FAM227B: variants seen among roughly 807,000 people sequenced by gnomAD.
The protein encoded by FAM227B is family with sequence similarity 227 member B.
FAM227B carries 88 observed loss-of-function variants against 73.8 expected under a neutral mutation model. That is an observed-to-expected ratio of 1.19 (90% CI 1.00 to 1.42). The LOEUF (loss-of-function observed/expected upper bound fraction) is 1.42. Among genes scored for constraint, FAM227B ranks in the 40% most tolerant of loss-of-function variants. The probability of loss-of-function intolerance (pLI) is 0.00; values close to 1 mark genes in which losing one functional copy is unlikely to be tolerated. For synonymous variants in FAM227B, 210 were observed against 190.5 expected (o/e 1.10, Z -0.84); for missense variants, 632 against 590.9 (o/e 1.07, Z -0.72).
intron 4 of FAM227B, among the ~76,000 whole-genome samples, chr15:49,588,677 T>G (rs2076340275): frequency 2.7e-5 from 4 of 148,176 alleles, no homozygotes; most frequent in Admixed American, 2.0e-4. Context: ...GGGTATTTTA[T>G]TTCATTACAA....
At chr15:49,606,367 T>A (rs1271639925) in intron 3 of FAM227B, 2 of 152,210 alleles carry the variant, frequency 1.3e-5, no homozygotes, top group Admixed American at 1.3e-4. Context: ...TCTTTCCGTA[T>A]TATAATTGCC....
chr15:49,434,910 TA>T (rs1368645769), intron 11 of FAM227B, among the ~76,000 whole-genome samples: 1 of 151,562 alleles, frequency 6.6e-6, no homozygotes, highest in African/African-American at 2.4e-5. Flanking sequence ...GTTTTTCCTT[TA>T]AAGGGAAATT....
intron 10 of FAM227B, 152 bp downstream of exon 10, chr15:49,541,528 A>G: frequency 1.7e-6 from 1 of 605,282 alleles, no homozygotes; most frequent in Non-Finnish European, 2.5e-6. Flanking sequence ...AGAAGAAAAT[A>G]AATAACATTT....
intron 11 of FAM227B, among the ~76,000 whole-genome samples, chr15:49,463,519 C>G (rs987010116): frequency 2.7e-5 from 4 of 149,648 alleles, no homozygotes; most frequent in Non-Finnish European, 5.9e-5. Flanking sequence ...CCACTGCACT[C>G]CAGCCTAGGC....
chr15:49,620,669 T>C (rs764127788), intron 1 of FAM227B, 31 bp downstream of exon 1: 9 of 152,242 alleles, frequency 5.9e-5, no homozygotes, highest in Non-Finnish European at 1.2e-4. Context: ...TGCAAACTTT[T>C]CTCTGGGATC....
intron 3 of FAM227B, 74 bp downstream of exon 3, chr15:49,611,141 C>T (rs1052621472): frequency 1.7e-4 from 155 of 893,730 alleles, no homozygotes; most frequent in Non-Finnish European, 2.7e-4. Flanking sequence ...AAAGTTTATT[C>T]TAAGCCTTCT....
At chr15:49,605,319 T>C (rs894117317) in intron 3 of FAM227B, among the ~76,000 whole-genome samples, 4 of 152,224 alleles carry the variant, frequency 2.6e-5, no homozygotes, top group African/African-American at 9.6e-5. Context: ...GCCTTGTAGT[T>C]TGGTTTATGG....
chr15:49,545,501 C>T (rs1417171126), intron 9 of FAM227B, among the ~76,000 whole-genome samples: 5 of 152,070 alleles, frequency 3.3e-5, no homozygotes, highest in Non-Finnish European at 7.4e-5. Context: ...TAGTTCTGCT[C>T]TGATCTTTGT....
At chr15:49,358,534 T>C (rs1306816528) in intron 13 of FAM227B, among the ~76,000 whole-genome samples, 1 of 148,758 alleles carries the variant, frequency 6.7e-6, no homozygotes, top group East Asian at 2.0e-4. Context: ...TTACAAGGGA[T>C]ATGAAGGACC....
At chr15:49,348,019 CAAAAAAA>C (rs67614443) in intron 13 of FAM227B, among the ~76,000 whole-genome samples, 20 of 70,092 alleles carry the variant, frequency 2.9e-4, no homozygotes, top group Admixed American at 2.6e-3. Context: ...AACTCTGTCT[CAAAAAAA>C]AAAAAAAAAA....
At chr15:49,537,430 G>A (rs1048367020) in intron 10 of FAM227B, among the ~76,000 whole-genome samples, 3 of 152,032 alleles carry the variant, frequency 2.0e-5, no homozygotes, top group Non-Finnish European at 4.4e-5. Context: ...ATTGGTAAGG[G>A]TGTGCATAAA....
At chr15:49,574,858 G>T in intron 8 of FAM227B, 153 bp downstream of exon 8, 1 of 441,298 alleles carries the variant, frequency 2.3e-6, no homozygotes, top group Non-Finnish European at 4.1e-6. Context: ...AAGAACTCTA[G>T]ACATCATATA....
rs113812225 is a variant in FAM227B, at chr15:49,483,987, G to A, written c.1012+24224C>T. ...CAGTGGTTAAAGAATGAGTGATGTG[G>A]GAATAAGTAATATGAGGCCTGTTAC... On this transcript the variant is annotated intron_variant, in intron 11 of 15. Transcript: ENST00000299338. Among the ~76,000 whole-genome samples the A allele has an allele frequency of 7.5e-3, 1,135 of 152,074 alleles. 19 individuals carry two copies. The highest frequency in any genetic ancestry group is 0.026 in the African/African-American group (1,087 of 41,526).
intron 3 of FAM227B, among the ~76,000 whole-genome samples, chr15:49,591,394 CTCCT>C (rs1169668384): frequency 8.4e-6 from 1 of 118,388 alleles, no homozygotes; most frequent in East Asian, 2.8e-4. Context: ...CCCTCCCTCC[CTCCT>C]TCCTTCCTTC....
chr15:49,532,639 G>T (rs900383650), intron 10 of FAM227B, among the ~76,000 whole-genome samples: 2 of 151,038 alleles, frequency 1.3e-5, no homozygotes, highest in African/African-American at 4.9e-5. Context: ...AGCATTTACA[G>T]AATTTTTCCA....
rs1379318505 is a variant in FAM227B at position 49,568,272 on chromosome 15, AGG to A, written c.718_719del (p.Pro240SerfsTer13). The A allele has an allele frequency of 6.2e-7, 1 of 1,609,596 alleles. No homozygotes were observed. Among genetic ancestry groups the A allele is most frequent in the South Asian group, 1.1e-5 (1 of 90,338 alleles). On this transcript the variant is annotated frameshift_variant, in exon 9 of 16. Transcript: ENST00000299338. LOFTEE classifies it high-confidence loss of function. Reference protein sequence around the residue: ...ESYVTLFMSIPLSRKDAFFQI... With the variant: ...ESYVTLFMSIXLSRKDAFFQI... ...GAAAAAATGCATCCTTTCGACTTAGAGGTATGCTCATGAAAAGTGTCACATAA... is the reference window on the plus strand; with the variant it reads ...GAAAAAATGCATCCTTTCGACTTAGATATGCTCATGAAAAGTGTCACATAA...
chr15:49,427,741 T>C (rs933572932), intron 11 of FAM227B, among the ~76,000 whole-genome samples: 10 of 152,072 alleles, frequency 6.6e-5, no homozygotes, highest in African/African-American at 2.2e-4. Flanking sequence ...TTTTTTAAGA[T>C]ACTAGTAAAT....
intron 11 of FAM227B, among the ~76,000 whole-genome samples, chr15:49,472,880 A>G (rs1213149480): frequency 6.6e-6 from 1 of 151,368 alleles, no homozygotes; most frequent in Non-Finnish European, 1.5e-5. Context: ...CTAATGACAA[A>G]TAAGAGAAAG....
intron 9 of FAM227B, among the ~76,000 whole-genome samples, chr15:49,549,282 T>G (rs933707474): frequency 2.8e-5 from 4 of 140,910 alleles, no homozygotes; most frequent in Non-Finnish European, 6.1e-5. Flanking sequence ...ATTTCCACGT[T>G]TACTTTCAAA....
Sources: gnomAD v4.1 joint callset for allele counts (sites outside exome capture counted in the v4.1 genomes callset) on GRCh38, gnomAD v4.1.1 for gene constraint, MANE v1.5 for transcripts, NCBI Gene and HGNC (gene_info 2026-07-23, HGNC 2026-07-21) for gene names.